The following ZFHX3 variants were observed in gnomAD, a reference collection of about 807,000 sequenced individuals.
ZFHX3 encodes the protein zinc finger homeobox 3, also known as zinc finger homeobox protein 3.
Under a neutral mutation model 279.1 loss-of-function variants are expected in ZFHX3, and 42 were observed. The observed-to-expected ratio is 0.15, with a 90% CI of 0.12 to 0.19. ZFHX3 has a LOEUF of 0.19. ZFHX3 is among the 10% of genes least tolerant of loss of function. ZFHX3 has a pLI of 1.00. For missense variants in ZFHX3, 4,981 were observed against 4,754.0 expected, an observed-to-expected ratio of 1.05 and a Z score of -1.40; for synonymous variants, 2,293 against 1,957.8, an observed-to-expected ratio of 1.17 and a Z score of -4.52.
At chr16:72,823,118 A>G (rs2036841289) in intron 5 of ZFHX3, among the ~76,000 whole-genome samples, 1 of 152,228 alleles carries the variant, frequency 6.6e-6, no homozygotes, top group African/African-American at 2.4e-5. Context: ...AGGGGGCACA[A>G]GCTGACTCTG....
chr16:72,922,667 T>A (rs1001777212), intron 3 of ZFHX3, among the ~76,000 whole-genome samples: 20 of 152,208 alleles, frequency 1.3e-4, no homozygotes, highest in Admixed American at 6.5e-5. Flanking sequence ...GCTCTCTTCG[T>A]ACCTGGCTTT....
At chr16:73,648,130 T>C (rs1203442962) in intron 2 of ZFHX3, among the ~76,000 whole-genome samples, 1 of 152,226 alleles carries the variant, frequency 6.6e-6, no homozygotes, top group Non-Finnish European at 1.5e-5. Context: ...GATACACTTA[T>C]TTCCCCTGCT....
intron 3 of ZFHX3, among the ~76,000 whole-genome samples, chr16:73,348,563 C>T (rs142642543): frequency 2.2e-4 from 34 of 152,316 alleles, no homozygotes; most frequent in Non-Finnish European, 3.1e-4. Context: ...GGGCTTCACC[C>T]GGAGAGCTTT....
intron 2 of ZFHX3, among the ~76,000 whole-genome samples, chr16:73,643,165 C>T (rs1025714494): frequency 6.6e-6 from 1 of 152,206 alleles, no homozygotes; most frequent in African/African-American, 2.4e-5. Context: ...AGTTTGAAGT[C>T]ATTTGCACTG....
rs76245223 is a variant in ZFHX3 at position 73,673,262 on chromosome 16, G to T, written c.-1547+6918C>A. Among the ~76,000 whole-genome samples the T allele has an allele frequency of 4.6e-3, 702 of 152,120 alleles. 4 individuals carry two copies. The highest frequency in any genetic ancestry group is 6.8e-3 in the Middle Eastern group (2 of 294). ...GCACACGGGTAGAGGCCACTGTCCC[G>T]CTAATTTTCCTACTTTTAAGCTGGG... On this transcript the variant is annotated intron_variant, in intron 2 of 17. Transcript: ENST00000641206.
At chr16:73,771,184 AT>A (rs1272045116) in intron 1 of ZFHX3, among the ~76,000 whole-genome samples, 6 of 152,192 alleles carry the variant, frequency 3.9e-5, no homozygotes, top group African/African-American at 1.2e-4. Flanking sequence ...CAAGGGGTGA[AT>A]TCAAGCATTT....
intron 2 of ZFHX3, among the ~76,000 whole-genome samples, chr16:73,532,553 A>G (rs1207572400): frequency 6.6e-6 from 1 of 152,188 alleles, no homozygotes; most frequent in Admixed American, 6.5e-5. Context: ...CTCTGAAAGC[A>G]TATCTCTGGT....
rs542673912 is a variant in ZFHX3, at chr16:73,673,984, C to G, written c.-1547+6196G>C. 5.3e-5 allele frequency among the ~76,000 whole-genome samples: 8 copies of G among 152,200 alleles called. No homozygotes were observed. The South Asian group carries it at 1.7e-3, about 32-fold the overall frequency. On this transcript the variant is annotated intron_variant, in intron 2 of 17. Transcript: ENST00000641206. The stretch of plus-strand genomic sequence containing the variant: ...CACCAAACAAAGCATCTGTGATTGG[C>G]TACTACACAAAAAGGAAACAAAAAC...
At chr16:73,766,980 G>C (rs1328382752) in intron 1 of ZFHX3, among the ~76,000 whole-genome samples, 1 of 148,400 alleles carries the variant, frequency 6.7e-6, no homozygotes, top group African/African-American at 2.5e-5. Context: ...CTGTTGCCCA[G>C]GCTGGAGTGC....
At chr16:73,726,894 C>T (rs2053523404) in intron 1 of ZFHX3, among the ~76,000 whole-genome samples, 1 of 152,200 alleles carries the variant, frequency 6.6e-6, no homozygotes, top group Non-Finnish European at 1.5e-5. Context: ...TGGGTCTCTA[C>T]CCATTAGATT....
At chr16:73,860,411 T>G (rs2142389216) in intron 1 of ZFHX3, among the ~76,000 whole-genome samples, 1 of 152,124 alleles carries the variant, frequency 6.6e-6, no homozygotes, top group South Asian at 2.1e-4. Flanking sequence ...TTTGGCAATT[T>G]TTCTAGTCCC....
chr16:73,624,006 T>C (rs1253828465), intron 2 of ZFHX3, among the ~76,000 whole-genome samples: 1 of 152,220 alleles, frequency 6.6e-6, no homozygotes, highest in Non-Finnish European at 1.5e-5. Context: ...CTTTGCAAAG[T>C]GACAGCTCAA....
intron 1 of ZFHX3, among the ~76,000 whole-genome samples, chr16:73,012,204 G>A (rs1291498219): frequency 1.3e-5 from 2 of 152,110 alleles, no homozygotes; most frequent in East Asian, 1.9e-4. Context: ...TACAACTAAC[G>A]GGCAGACAGC....
intron 1 of ZFHX3, among the ~76,000 whole-genome samples, chr16:73,740,697 C>T (rs1013208031): frequency 4.6e-5 from 7 of 152,160 alleles, no homozygotes; most frequent in Non-Finnish European, 7.3e-5. Context: ...TGCTGTTGCT[C>T]TTCTCTTGGG....
chr16:72,896,302 G>A (rs533857706), intron 3 of ZFHX3, among the ~76,000 whole-genome samples: 6 of 152,072 alleles, frequency 3.9e-5, no homozygotes, highest in Non-Finnish European at 7.4e-5. Context: ...TGTTCATCCC[G>A]TCTCAGTTTC....
intron 1 of ZFHX3, among the ~76,000 whole-genome samples, chr16:73,804,517 G>T (rs1194493797): frequency 6.6e-6 from 1 of 152,102 alleles, no homozygotes; most frequent in Non-Finnish European, 1.5e-5. Context: ...AATTTCAGGG[G>T]CCAAGGAAAG....
intron 2 of ZFHX3, among the ~76,000 whole-genome samples, chr16:73,652,668 TA>T (rs1215071275): frequency 6.6e-6 from 1 of 152,168 alleles, no homozygotes; most frequent in Non-Finnish European, 1.5e-5. Flanking sequence ...GTTAACGTGT[TA>T]AAGGTATTGA....
At chr16:73,007,735 C>T (rs1369473544) in intron 1 of ZFHX3, among the ~76,000 whole-genome samples, 1 of 152,140 alleles carries the variant, frequency 6.6e-6, no homozygotes, top group Admixed American at 6.5e-5. Context: ...AGGCGTGAGC[C>T]ACCGCGCAAG....
chr16:73,227,101 A>T (rs569760773), intron 5 of ZFHX3, among the ~76,000 whole-genome samples: 1 of 152,344 alleles, frequency 6.6e-6, no homozygotes, highest in East Asian at 1.9e-4. Flanking sequence ...ATTTACGTTA[A>T]TAGCACTGTA....
Sources: allele counts gnomAD v4.1 joint callset (sites outside exome capture counted in the v4.1 genomes callset), GRCh38; gene constraint gnomAD v4.1.1; transcripts MANE v1.5; gene names NCBI Gene and HGNC (gene_info 2026-07-23, HGNC 2026-07-21).